RBM6: variants seen among roughly 807,000 people sequenced by gnomAD.
RBM6 encodes the protein RNA binding motif protein 6, also known as RNA-binding protein 6.
In RBM6, 23 loss-of-function variants were observed where a neutral mutation model predicts 140.4. The ratio of observed to expected loss-of-function variants is 0.16; its 90% CI spans 0.12 to 0.23. RBM6 has a LOEUF of 0.23. Among genes scored for constraint, RBM6 ranks in the 10% least tolerant of loss-of-function variants. The pLI, the probability that RBM6 is intolerant of heterozygous loss-of-function variation, is 1.00. For missense variants in RBM6, 1,139 were observed against 1,386.7 expected, an observed-to-expected ratio of 0.82 and a Z score of 2.84; for synonymous variants, 439 against 475.6, an observed-to-expected ratio of 0.92 and a Z score of 1.00.
intron 5 of RBM6, among the ~76,000 whole-genome samples, chr3:49,978,592 C>T (rs1172412361): frequency 6.6e-6 from 1 of 152,106 alleles, no homozygotes; most frequent in Non-Finnish European, 1.5e-5. Flanking sequence ...ATGAATTTTT[C>T]AAGTTATAGA....
At chr3:49,946,996 A>G (rs1391233669) in intron 1 of RBM6, among the ~76,000 whole-genome samples, 2 of 147,420 alleles carry the variant, frequency 1.4e-5, no homozygotes, top group African/African-American at 5.0e-5. Flanking sequence ...TTGGAGAAGT[A>G]TCTATTCATG....
intron 1 of RBM6, among the ~76,000 whole-genome samples, chr3:49,943,700 C>T (rs1295485200): frequency 6.6e-6 from 1 of 152,094 alleles, no homozygotes; most frequent in Non-Finnish European, 1.5e-5. Context: ...GCCATTTTCC[C>T]TCCTTGGCCT....
chr3:49,972,591 C>G (rs2084852058), intron 4 of RBM6, among the ~76,000 whole-genome samples: 1 of 152,178 alleles, frequency 6.6e-6, no homozygotes, highest in Admixed American at 6.5e-5. Flanking sequence ...AGTGCTCGCT[C>G]TGTGCCAGGC....
At chr3:50,037,672 T>C (rs2088624430) in intron 6 of RBM6, among the ~76,000 whole-genome samples, 1 of 152,092 alleles carries the variant, frequency 6.6e-6, no homozygotes, top group Non-Finnish European at 1.5e-5. Flanking sequence ...AATTTTGTTT[T>C]AATAGCAATG....
chr3:50,064,013 A>G (rs1379303511), intron 15 of RBM6, among the ~76,000 whole-genome samples: 3 of 151,492 alleles, frequency 2.0e-5, no homozygotes, highest in African/African-American at 7.3e-5. Context: ...GGCTCACTGC[A>G]ACCTCCGCCT....
chr3:50,069,251 G>A (rs796456376), intron 18 of RBM6, among the ~76,000 whole-genome samples: 13 of 152,228 alleles, frequency 8.5e-5, no homozygotes, highest in African/African-American at 2.9e-4. Flanking sequence ...GGTGGCTCAC[G>A]CCTATAATCC....
chr3:50,033,677 C>T (rs1057275676), intron 6 of RBM6, among the ~76,000 whole-genome samples: 8 of 152,006 alleles, frequency 5.3e-5, no homozygotes, highest in Admixed American at 1.3e-4. Flanking sequence ...GATGGAGTCT[C>T]GCTCTGTCAC....
At chr3:50,036,212 C>T (rs953390146) in intron 6 of RBM6, among the ~76,000 whole-genome samples, 2 of 152,160 alleles carry the variant, frequency 1.3e-5, no homozygotes, top group Non-Finnish European at 2.9e-5. Context: ...CCTTTTTAAA[C>T]GTATTTTCTT....
intron 6 of RBM6, among the ~76,000 whole-genome samples, chr3:50,005,223 G>T (rs2086518398): frequency 6.6e-6 from 1 of 152,144 alleles, no homozygotes; most frequent in Non-Finnish European, 1.5e-5. Flanking sequence ...GAAGCCAGGT[G>T]TGATGGCTCA....
intron 6 of RBM6, among the ~76,000 whole-genome samples, chr3:50,037,754 T>G (rs1281792903): frequency 6.6e-6 from 1 of 152,120 alleles, no homozygotes; most frequent in Non-Finnish European, 1.5e-5. Context: ...TTCTCCCACC[T>G]TGACCTTCTA....
At chr3:50,068,618 G>A (rs1036618681) in intron 17 of RBM6, 72 bp from the exon 18 acceptor site, 20 of 1,395,624 alleles carry the variant, frequency 1.4e-5, no homozygotes, top group Middle Eastern at 1.8e-4. Flanking sequence ...GCAACTATTG[G>A]GAAAGGCCTA....
At chr3:50,055,646 T>C (rs1575827270) in intron 8 of RBM6, among the ~76,000 whole-genome samples, 1 of 152,340 alleles carries the variant, frequency 6.6e-6, no homozygotes, top group East Asian at 1.9e-4. Flanking sequence ...TGGCAAACCT[T>C]TCTCCCACTC....
chr3:50,074,471 G>A (rs1018927026), intron 19 of RBM6, among the ~76,000 whole-genome samples: 8 of 151,882 alleles, frequency 5.3e-5, no homozygotes, highest in Non-Finnish European at 1.0e-4. Context: ...ACAGGCATGC[G>A]CCACCACACC....
intron 6 of RBM6, among the ~76,000 whole-genome samples, chr3:50,040,148 A>G (rs1292394547): frequency 6.6e-6 from 1 of 152,084 alleles, no homozygotes; most frequent in Non-Finnish European, 1.5e-5. Context: ...AGACACCTTT[A>G]AAATATTTAA....
chr3:50,046,525 G>A (rs941860283), intron 6 of RBM6, among the ~76,000 whole-genome samples: 1 of 150,994 alleles, frequency 6.6e-6, no homozygotes, highest in Non-Finnish European at 1.5e-5. Flanking sequence ...GTTGCAGTGA[G>A]CCGAGATCAC....
Position 49,967,647 on chromosome 3 carries a change from C to T in RBM6, c.222C>T (p.Ser74=). The T allele has an allele frequency of 1.2e-6, 2 of 1,614,048 alleles. No homozygotes were observed. The highest frequency in any genetic ancestry group is 1.3e-5 in the African/African-American group (1 of 74,992). Residue 74 remains serine, a synonymous_variant, in exon 3 of 21, where the codon AGC becomes AGT. Coordinates refer to ENST00000266022, the MANE Select transcript of RBM6 (RefSeq NM_005777.3). The surrounding 1 kb of genome is among the most constrained non-coding windows in gnomAD (Gnocchi z 4.0). ...PFANVEEHSF[S]YGARDGPHGD... ...CAAATGTAGAGGAGCATTCTTTCAG[C>T]TATGGAGCTAGAGACGGACCGCATG...
At chr3:50,054,453 T>A (rs554550325) in intron 8 of RBM6, 58 bp downstream of exon 8, 46 of 1,415,716 alleles carry the variant, frequency 3.2e-5, no homozygotes, top group African/African-American at 3.1e-4. Context: ...ACAAATTTCA[T>A]GTTTTCCTTG....
intron 3 of RBM6, among the ~76,000 whole-genome samples, chr3:49,969,653 G>A (rs1335159392): frequency 2.0e-5 from 3 of 151,392 alleles, no homozygotes; most frequent in Admixed American, 1.3e-4. Context: ...GCTGAAGTGC[G>A]GTGGTGTAAT....
At chr3:49,958,538 T>C (rs2084117755) in intron 1 of RBM6, among the ~76,000 whole-genome samples, 1 of 151,176 alleles carries the variant, frequency 6.6e-6, no homozygotes, top group African/African-American at 2.4e-5. Context: ...ATCACGCCAC[T>C]GCACTCCAGC....
Sources: allele counts gnomAD v4.1 joint callset (sites outside exome capture counted in the v4.1 genomes callset), GRCh38; gene constraint gnomAD v4.1.1; non-coding constraint Gnocchi (gnomAD v3.1); transcripts MANE v1.5; gene names NCBI Gene and HGNC (gene_info 2026-07-23, HGNC 2026-07-21).